The following TIAM1 variants were observed in gnomAD, a reference collection of about 807,000 sequenced individuals.
The protein encoded by TIAM1 is TIAM Rac1 associated GEF 1.
Under a neutral mutation model 163.5 loss-of-function variants are expected in TIAM1, and 65 were observed. The observed-to-expected ratio is 0.40, with a 90% CI of 0.33 to 0.49. The LOEUF (loss-of-function observed/expected upper bound fraction) is 0.49. TIAM1 is among the 20% of genes least tolerant of loss of function. The probability of loss-of-function intolerance (pLI) is 0.77; values close to 1 mark genes in which losing one functional copy is unlikely to be tolerated. For missense variants in TIAM1, 1,789 were observed against 2,044.7 expected, an observed-to-expected ratio of 0.87 and a Z score of 2.41; for synonymous variants, 833 against 810.1, an observed-to-expected ratio of 1.03 and a Z score of -0.48.
chr21:31,521,023 A>G (rs1230288693), intron 1 of TIAM1, among the ~76,000 whole-genome samples: 1 of 152,244 alleles, frequency 6.6e-6, no homozygotes, highest in African/African-American at 2.4e-5. Context: ...GCCACAGAGC[A>G]GGTGCTTAAT....
rs191647572 is a variant in TIAM1, at chr21:31,229,818, A to G, written c.1585-3868T>C. ...CAGGCACCTGCCACCATGCCCAGCT[A>G]ATTTTTGTACTTTTAGTAGAGATGA... On this transcript the variant is annotated intron_variant, in intron 6 of 27. Coordinates refer to ENST00000541036, the MANE Select transcript of TIAM1 (RefSeq NM_001353694.2). Among the ~76,000 whole-genome samples, 73 of 152,198 alleles carry G rather than the reference A, an allele frequency of 4.8e-4. 1 individual carries two copies. Among genetic ancestry groups the G allele is most frequent in the Admixed American group, 4.3e-3 (66 of 15,290 alleles).
At chr21:31,385,125 G>A (rs1035384508) in intron 2 of TIAM1, among the ~76,000 whole-genome samples, 28 of 152,096 alleles carry the variant, frequency 1.8e-4, no homozygotes, top group African/African-American at 6.3e-4. Flanking sequence ...GCAATGGCGC[G>A]ATCCAGGTTC....
At chr21:31,436,573 G>A (rs1052234848) in intron 2 of TIAM1, among the ~76,000 whole-genome samples, 8 of 152,054 alleles carry the variant, frequency 5.3e-5, no homozygotes, top group African/African-American at 1.9e-4. Flanking sequence ...GTTGCAGTGA[G>A]CTGAGATGGA....
rs565404871 is a variant in TIAM1, at chr21:31,155,718, A to G, written c.2992-1292T>C. On this transcript the variant is annotated intron_variant, in intron 16 of 27. Transcript: ENST00000541036. ...ACGGGATTTCAACATGTTGGCCAGG[A>G]TGGTCTCAATCTGACCTTGTGATCC... Among the ~76,000 whole-genome samples the G allele has an allele frequency of 2.5e-4, 38 of 151,978 alleles. 1 individual carries two copies. In the East Asian group the frequency reaches 4.9e-3, roughly 19 times the overall value.
At chr21:31,333,445 T>C (rs573894400) in intron 2 of TIAM1, among the ~76,000 whole-genome samples, 2 of 152,274 alleles carry the variant, frequency 1.3e-5, no homozygotes, top group African/African-American at 4.8e-5. Flanking sequence ...TCTCTTTTTG[T>C]TTTTTCTTTT....
chr21:31,517,048 C>CAAAA (rs747446437), intron 1 of TIAM1, among the ~76,000 whole-genome samples: 1 of 65,376 alleles, frequency 1.5e-5, no homozygotes, highest in African/African-American at 5.3e-5. Flanking sequence ...GACTCTGTCT[C>CAAAA]AAAAAAAAAA....
intron 12 of TIAM1, among the ~76,000 whole-genome samples, chr21:31,198,686 G>A (rs1401309997): frequency 6.6e-6 from 1 of 152,220 alleles, no homozygotes; most frequent in African/African-American, 2.4e-5. Flanking sequence ...CCAGGTGGCA[G>A]TATATAACTG....
intron 2 of TIAM1, among the ~76,000 whole-genome samples, chr21:31,296,853 T>C (rs767134317): frequency 2.4e-4 from 36 of 152,260 alleles, no homozygotes; most frequent in East Asian, 1.4e-3. Context: ...TTAGTAGAGA[T>C]GGGGTTTCAT....
chr21:31,162,663 A>T (rs2083985863), intron 16 of TIAM1, among the ~76,000 whole-genome samples: 1 of 142,838 alleles, frequency 7.0e-6, no homozygotes, highest in Admixed American at 7.1e-5. Context: ...TTTTTTTGAG[A>T]TGGAGTCCCA....
chr21:31,310,980 T>C (rs1165937856), intron 2 of TIAM1, among the ~76,000 whole-genome samples: 2 of 152,180 alleles, frequency 1.3e-5, no homozygotes, highest in African/African-American at 4.8e-5. Context: ...CATTCCAATT[T>C]TTCTTAAGAG....
intron 6 of TIAM1, among the ~76,000 whole-genome samples, chr21:31,241,410 C>A (rs1433338199): frequency 6.6e-6 from 1 of 152,160 alleles, no homozygotes; most frequent in Non-Finnish European, 1.5e-5. Flanking sequence ...AACTTCTGTT[C>A]TTAGGAAAGA....
chr21:31,209,618 A>T (rs1480456903), intron 11 of TIAM1, among the ~76,000 whole-genome samples: 1 of 152,218 alleles, frequency 6.6e-6, no homozygotes, highest in Non-Finnish European at 1.5e-5. Flanking sequence ...TACCCATAAT[A>T]TGATGCCATT....
chr21:31,289,575 TACA>T (rs1200407874), intron 2 of TIAM1, among the ~76,000 whole-genome samples: 1 of 152,210 alleles, frequency 6.6e-6, no homozygotes, highest in Non-Finnish European at 1.5e-5. Context: ...ATTTTGGCTG[TACA>T]ACAATTACTG....
At chr21:31,281,346 T>C (rs905066198) in intron 2 of TIAM1, among the ~76,000 whole-genome samples, 9 of 152,280 alleles carry the variant, frequency 5.9e-5, no homozygotes, top group Non-Finnish European at 1.2e-4. Context: ...AATACTTACC[T>C]CTAATACCTT....
At chr21:31,251,614 A>T in intron 5 of TIAM1, 128 bp downstream of exon 5, 1 of 984,296 alleles carries the variant, frequency 1.0e-6, no homozygotes, top group Non-Finnish European at 1.5e-6. Context: ...TAAATGTTTT[A>T]AATTAGTATG....
chr21:31,536,425 G>A (rs1416439027), intron 1 of TIAM1, among the ~76,000 whole-genome samples: 1 of 152,148 alleles, frequency 6.6e-6, no homozygotes, highest in Non-Finnish European at 1.5e-5. Flanking sequence ...GGTGCAATCT[G>A]GACCACCCCG....
chr21:31,346,424 C>T (rs115095857), upstream of TIAM1, among the ~76,000 whole-genome samples: 1,919 of 152,202 alleles, frequency 0.013, 40 homozygotes, highest in African/African-American at 0.044. Context: ...GAAAGCATCC[C>T]GTGGTTTTGG....
At chr21:31,292,567 A>G (rs1320581342) in intron 2 of TIAM1, among the ~76,000 whole-genome samples, 1 of 150,856 alleles carries the variant, frequency 6.6e-6, no homozygotes, top group Non-Finnish European at 1.5e-5. Context: ...ACGGAGTTTC[A>G]CTATGTTGGC....
intron 2 of TIAM1, among the ~76,000 whole-genome samples, chr21:31,331,284 T>C (rs936572795): frequency 2.6e-5 from 4 of 152,128 alleles, no homozygotes; most frequent in African/African-American, 9.7e-5. Context: ...AATCCATATA[T>C]AATTATTAAA....
Sources: gnomAD v4.1 joint callset for allele counts (sites outside exome capture counted in the v4.1 genomes callset) on GRCh38, gnomAD v4.1.1 for gene constraint, MANE v1.5 for transcripts, NCBI Gene and HGNC (gene_info 2026-07-23, HGNC 2026-07-21) for gene names.